Variants in MYO1E observed in about 807,000 individuals in gnomAD.
MYO1E encodes the protein myosin IE, also known as unconventional myosin-Ie.
Under a neutral mutation model 151.1 loss-of-function variants are expected in MYO1E, and 68 were observed. The ratio of observed to expected loss-of-function variants is 0.45; its 90% CI spans 0.37 to 0.55. The LOEUF (loss-of-function observed/expected upper bound fraction) is 0.55. Ranked by LOEUF, MYO1E falls within the 20% of genes least tolerant of loss-of-function variation. MYO1E has a pLI of 0.00. For synonymous variants in MYO1E, 601 were observed against 501.7 expected, an observed-to-expected ratio of 1.20 and a Z score of -2.64; for missense variants, 1,363 against 1,389.3, an observed-to-expected ratio of 0.98 and a Z score of 0.30.
intron 12 of MYO1E, among the ~76,000 whole-genome samples, chr15:59,210,865 C>T (rs1195917688): frequency 5.9e-5 from 9 of 151,694 alleles, no homozygotes; most frequent in Admixed American, 2.6e-4. Context: ...TTAGTAGCAC[C>T]GAACTGATAA....
intron 17 of MYO1E, among the ~76,000 whole-genome samples, chr15:59,194,450 A>T (rs2079753578): frequency 6.6e-6 from 1 of 152,230 alleles, no homozygotes; most frequent in South Asian, 2.1e-4. Context: ...TACTGGCAGG[A>T]AGGAAAATGG....
chr15:59,219,037 C>T (rs2079937526), intron 9 of MYO1E, among the ~76,000 whole-genome samples: 1 of 152,030 alleles, frequency 6.6e-6, no homozygotes, highest in South Asian at 2.1e-4. Flanking sequence ...TAAAGAGGGG[C>T]ATTATAAGAA....
chr15:59,253,478 C>T (rs1184410068), intron 4 of MYO1E, among the ~76,000 whole-genome samples: 7 of 116,970 alleles, frequency 6.0e-5, no homozygotes, highest in African/African-American at 2.2e-4. Flanking sequence ...TGAGTCTGAT[C>T]GAGTTTTTTT....
intron 22 of MYO1E, 35 bp from the exon 23 acceptor site, chr15:59,163,338 G>A (rs748648795): frequency 2.5e-6 from 4 of 1,604,024 alleles, no homozygotes; most frequent in Non-Finnish European, 3.4e-6. Flanking sequence ...CTTGGTGAAA[G>A]CTGTGCTTCT....
At chr15:59,205,326 C>G in intron 15 of MYO1E, 74 bp downstream of exon 15, 1 of 1,418,894 alleles carries the variant, frequency 7.0e-7, no homozygotes, top group Non-Finnish European at 1.0e-6. Flanking sequence ...CCACACCCAG[C>G]TCATAAGTTT....
intron 1 of MYO1E, among the ~76,000 whole-genome samples, chr15:59,346,728 A>G (rs2080796162): frequency 6.6e-6 from 1 of 152,124 alleles, no homozygotes; most frequent in Admixed American, 6.5e-5. Context: ...AGCCTGGGTA[A>G]CATGGCAAAA....
chr15:59,214,190 T>C, intron 12 of MYO1E, 38 bp downstream of exon 12: 3 of 1,511,500 alleles, frequency 2.0e-6, no homozygotes, highest in Non-Finnish European at 2.7e-6. Context: ...CAAAATAAAT[T>C]ATAAATAGAA....
At chr15:59,325,629 T>A (rs2080658873) in intron 1 of MYO1E, among the ~76,000 whole-genome samples, 1 of 152,252 alleles carries the variant, frequency 6.6e-6, no homozygotes, top group South Asian at 2.1e-4. Context: ...CATGAAGGAA[T>A]ACTAAGATTT....
chr15:59,202,772 C>T (rs577657731), intron 15 of MYO1E, among the ~76,000 whole-genome samples: 5 of 152,134 alleles, frequency 3.3e-5, no homozygotes, highest in African/African-American at 7.2e-5. Context: ...GACAGGGTCT[C>T]GCTCTACTGC....
chr15:59,179,362 G>A (rs903127817), intron 18 of MYO1E, among the ~76,000 whole-genome samples: 3 of 152,038 alleles, frequency 2.0e-5, no homozygotes, highest in African/African-American at 7.2e-5. Context: ...TGTTTATTTG[G>A]TTAATTTATG....
rs139039522 is a variant in MYO1E at position 59,207,760 on chromosome 15, G to A, written c.1530+921C>T. ...TGATATAGGAACTGATAAAGATCCT[G>A]AGCAATGGAAAAATGTCCACAAAGA... is the stretch of plus-strand genomic sequence containing the variant. On this transcript the variant is annotated intron_variant, in intron 14 of 27. Transcript: ENST00000288235. 185 of 1,614,170 alleles carry A rather than the reference G, an allele frequency of 1.1e-4. No homozygotes were observed. The Middle Eastern group carries it at 1.6e-3, about 14-fold the overall frequency.
At chr15:59,170,590 A>C (rs963016509) in intron 22 of MYO1E, among the ~76,000 whole-genome samples, 1 of 151,984 alleles carries the variant, frequency 6.6e-6, no homozygotes, top group African/African-American at 2.4e-5. Flanking sequence ...AGAGCTTTAA[A>C]AAAAAAACAA....
intron 14 of MYO1E, chr15:59,207,033 T>C (rs1161600381): frequency 1.5e-5 from 25 of 1,614,106 alleles, no homozygotes; most frequent in African/African-American, 2.7e-5. Context: ...TGTGTCCGCG[T>C]CAAGCAACGC....
rs185624873 is a variant in MYO1E, at chr15:59,149,202, A to G, written c.3080+4388T>C. Among the ~76,000 whole-genome samples the G allele has an allele frequency of 5.4e-3, 823 of 151,874 alleles. 7 individuals are homozygous for G. The highest frequency in any genetic ancestry group is 0.019 in the African/African-American group (784 of 41,406). ...CTCCTGATTAGCTGGGACTACAGGC[A>G]CCCACCACCATACCCAGCTAATTGT... On this transcript the variant is annotated intron_variant, in intron 26 of 27. Transcript: ENST00000288235.
chr15:59,332,206 A>T (rs2080702376), intron 1 of MYO1E, among the ~76,000 whole-genome samples: 2 of 152,180 alleles, frequency 1.3e-5, no homozygotes. Flanking sequence ...GTTGTCTGAG[A>T]GGTTAAATCA....
intron 9 of MYO1E, 122 bp from the exon 10 acceptor site, chr15:59,218,209 C>A: frequency 8.4e-7 from 1 of 1,190,912 alleles, no homozygotes; most frequent in Non-Finnish European, 1.2e-6. Context: ...GGCACAATCA[C>A]GGGCCCCAAG....
chr15:59,212,654 T>C lies in MYO1E; in HGVS notation c.1275+1574A>G, dbSNP rs550820844. ...CTTTTTTTTTACAGTTCACTCTCCA[T>C]AGAGACTGTCAAAAATTGTCAATGC... On this transcript the variant is annotated intron_variant, in intron 12 of 27. Transcript: ENST00000288235. 10 of 152,326 alleles carry C rather than the reference T, an allele frequency of 6.6e-5. No homozygotes were observed. In the East Asian group the frequency reaches 7.7e-4, roughly 12 times the overall value. The allele number at this position is 152,326 out of a possible 1,614,324, so 9.4% of individuals were successfully genotyped here. A position where few individuals can be genotyped will look rare whatever the true frequency, so the allele number is the denominator to read the frequency against.
chr15:59,144,167 ATTTATT>A lies in MYO1E; in HGVS notation c.3081-5806_3081-5801del, dbSNP rs2079427361. 2.0e-5 allele frequency among the ~76,000 whole-genome samples: 3 copies of A among 151,884 alleles called. No individual in the cohort carries two copies. In the South Asian group the frequency reaches 6.2e-4, roughly 32 times the overall value. ...TCTTTTTCCTTTTATTTATTTATTA[ATTTATT>A]TTTATTTTTTTGAGACTGAGTCTCA... On this transcript the variant is annotated intron_variant, in intron 26 of 27. Coordinates refer to ENST00000288235, the MANE Select transcript of MYO1E (RefSeq NM_004998.4).
chr15:59,205,542 A>G, intron 14 of MYO1E, 57 bp from the exon 15 acceptor site: 3 of 1,486,748 alleles, frequency 2.0e-6, no homozygotes, highest in Non-Finnish European at 2.8e-6. Flanking sequence ...TTAATTGAAC[A>G]AAATCATTTA....
Sources: allele counts gnomAD v4.1 joint callset (sites outside exome capture counted in the v4.1 genomes callset), GRCh38; gene constraint gnomAD v4.1.1; transcripts MANE v1.5; gene names NCBI Gene and HGNC (gene_info 2026-07-23, HGNC 2026-07-21).